Variants in DLGAP2 observed in about 807,000 individuals in gnomAD.
The protein encoded by DLGAP2 is disks large-associated protein 2.
A neutral mutation model predicts 100.3 loss-of-function variants in DLGAP2; 26 were observed. That is an observed-to-expected ratio of 0.26 (90% confidence interval 0.19 to 0.36). The LOEUF (loss-of-function observed/expected upper bound fraction) is 0.36, where lower values mean the gene tolerates loss of function less well. Ranked by LOEUF, DLGAP2 falls within the 10% of genes least tolerant of loss-of-function variation. The pLI is 1.00. For missense variants in DLGAP2, 1,858 were observed against 1,453.2 expected (o/e 1.28, Z -4.53); for synonymous variants, 886 against 630.1 (o/e 1.41, Z -6.08).
At chr8:1,671,005 G>A (rs1311852894) in intron 10 of DLGAP2, among the ~76,000 whole-genome samples, 1 of 152,192 alleles carries the variant, frequency 6.6e-6, no homozygotes, top group Non-Finnish European at 1.5e-5. Flanking sequence ...AGGTGGCCAC[G>A]TCCCTGCCAG....
In DLGAP2 at chr8:1,701,636, G is replaced by C. The variant is rs996145489; in HGVS notation, c.*230G>C. On this transcript the variant is annotated 3_prime_UTR_variant, in exon 15 of 15. Transcript: ENST00000637795. ...TGTTGTTGTTGTTCACGGGTGGCCTGGCTCACACTTGGCTCTGAGGGACAG... is the reference window on the plus strand; with the variant it reads ...TGTTGTTGTTGTTCACGGGTGGCCTCGCTCACACTTGGCTCTGAGGGACAG... The C allele has an allele frequency of 1.7e-6, 1 of 578,672 alleles. No homozygotes were observed. The highest frequency in any genetic ancestry group is 3.0e-6 in the Non-Finnish European group (1 of 333,494). The allele number at this position is 578,672 out of a possible 1,614,324, so 35.8% of individuals were successfully genotyped here. A position where few individuals can be genotyped will look rare whatever the true frequency, so the allele number is the denominator to read the frequency against.
At chr8:1,490,898 T>C (rs932861843) in intron 3 of DLGAP2, among the ~76,000 whole-genome samples, 1 of 150,714 alleles carries the variant, frequency 6.6e-6, no homozygotes, top group African/African-American at 2.4e-5. Flanking sequence ...GGGGGAGGGA[T>C]AGCATTAGGA....
intron 2 of DLGAP2, among the ~76,000 whole-genome samples, chr8:1,096,311 C>T (rs1804364464): frequency 6.6e-6 from 1 of 152,216 alleles, no homozygotes; most frequent in African/African-American, 2.4e-5. Context: ...AACTTGGATG[C>T]AGGAGGTTTG....
At chr8:856,158 A>T (rs1004349424) in intron 1 of DLGAP2, among the ~76,000 whole-genome samples, 2 of 151,430 alleles carry the variant, frequency 1.3e-5, no homozygotes, top group African/African-American at 4.9e-5. Context: ...CCCAAAGAAG[A>T]ATTAGTGGAA....
At chr8:1,173,207 A>T (rs11778391) in intron 2 of DLGAP2, among the ~76,000 whole-genome samples, 4 of 152,096 alleles carry the variant, frequency 2.6e-5, no homozygotes, top group Admixed American at 6.5e-5. Flanking sequence ...TTTTTCGTGA[A>T]CCGCGAATGC....
intron 1 of DLGAP2, among the ~76,000 whole-genome samples, chr8:800,084 G>A (rs1186135636): frequency 1.3e-5 from 2 of 152,014 alleles, no homozygotes; most frequent in Non-Finnish European, 2.9e-5. Context: ...TCTGAAGAAA[G>A]CCATGCCTAC....
chr8:972,774 C>T lies in DLGAP2; in HGVS notation c.73+64808C>T, dbSNP rs548056731. Among the ~76,000 whole-genome samples, 16 of 152,220 alleles carry T rather than the reference C, an allele frequency of 1.1e-4. 1 individual carries two copies. In the South Asian group the frequency reaches 1.5e-3, roughly 14 times the overall value. On this transcript the variant is annotated intron_variant, in intron 2 of 14. Coordinates refer to ENST00000637795, the MANE Select transcript of DLGAP2 (RefSeq NM_001346810.2). Reference sequence around the variant, plus strand: ...AGGCAGAGGACCCTGCGGCCTTCCGCGGTGTTTGTGTCCCTGGGTACTTGA... The same window carrying T: ...AGGCAGAGGACCCTGCGGCCTTCCGTGGTGTTTGTGTCCCTGGGTACTTGA...
chr8:1,344,130 G>A (rs975515779), intron 3 of DLGAP2, among the ~76,000 whole-genome samples: 12 of 121,724 alleles, frequency 9.9e-5, no homozygotes, highest in East Asian at 4.3e-4. Context: ...GCCCTGTCGT[G>A]GGTCCGTGTA....
chr8:1,527,375 G>A (rs983530912), intron 4 of DLGAP2, among the ~76,000 whole-genome samples: 10 of 152,336 alleles, frequency 6.6e-5, no homozygotes, highest in Non-Finnish European at 8.8e-5. Context: ...TCAAGTCACC[G>A]TCACAGGCAA....
At chr8:968,670 C>T (rs1370239047) in intron 2 of DLGAP2, among the ~76,000 whole-genome samples, 2 of 152,110 alleles carry the variant, frequency 1.3e-5, no homozygotes, top group Non-Finnish European at 2.9e-5. Context: ...GTTTTTGTAA[C>T]ATACAGGGAC....
chr8:1,282,106 C>T (rs1181505584), intron 3 of DLGAP2, among the ~76,000 whole-genome samples: 2 of 144,294 alleles, frequency 1.4e-5, no homozygotes, highest in African/African-American at 5.4e-5. Context: ...CTGAACCCAG[C>T]ACTCTGAACC....
chr8:789,460 G>C (rs1821967195), intron 1 of DLGAP2, among the ~76,000 whole-genome samples: 1 of 152,138 alleles, frequency 6.6e-6, no homozygotes, highest in Non-Finnish European at 1.5e-5. Flanking sequence ...CTGTGATCCA[G>C]TTACCCCCCA....
intron 1 of DLGAP2, among the ~76,000 whole-genome samples, chr8:871,076 T>C (rs917898249): frequency 2.6e-5 from 4 of 152,228 alleles, no homozygotes; most frequent in Admixed American, 2.6e-4. Context: ...CAGTGCGCAC[T>C]GTTTGACATC....
intron 2 of DLGAP2, among the ~76,000 whole-genome samples, chr8:1,150,422 C>T (rs111898140): frequency 6.6e-6 from 1 of 152,212 alleles, no homozygotes; most frequent in African/African-American, 2.4e-5. Context: ...TTTTACCCTG[C>T]TGTCCTAGGC....
At chr8:788,223 A>C (rs1403511141) in intron 1 of DLGAP2, among the ~76,000 whole-genome samples, 8 of 152,236 alleles carry the variant, frequency 5.3e-5, no homozygotes, top group Non-Finnish European at 2.9e-5. Flanking sequence ...ATTTTCTCAC[A>C]CAGCGTCCTG....
intron 3 of DLGAP2, among the ~76,000 whole-genome samples, chr8:1,429,567 C>G (rs964260677): frequency 1.3e-5 from 2 of 152,066 alleles, no homozygotes; most frequent in African/African-American, 4.8e-5. Flanking sequence ...GTGAAACATT[C>G]TTACAATAAC....
At chr8:1,009,777 C>G (rs777657782) in intron 2 of DLGAP2, among the ~76,000 whole-genome samples, 1 of 152,240 alleles carries the variant, frequency 6.6e-6, no homozygotes, top group Non-Finnish European at 1.5e-5. Flanking sequence ...AGACCTTGCT[C>G]ACATAATCCT....
At chr8:1,219,946 A>G (rs1446673220) in intron 2 of DLGAP2, among the ~76,000 whole-genome samples, 1 of 151,978 alleles carries the variant, frequency 6.6e-6, no homozygotes. Flanking sequence ...TTTCTGTGGA[A>G]TCAACAGTAA....
chr8:1,211,935 C>T (rs1020029924), intron 2 of DLGAP2, among the ~76,000 whole-genome samples: 4 of 152,156 alleles, frequency 2.6e-5, no homozygotes, highest in African/African-American at 4.8e-5. Context: ...TTTCAGTGCT[C>T]CTCGTGCTCC....
Sources: allele counts gnomAD v4.1 joint callset (sites outside exome capture counted in the v4.1 genomes callset), GRCh38; gene constraint gnomAD v4.1.1; transcripts MANE v1.5; gene names NCBI Gene and HGNC (gene_info 2026-07-23, HGNC 2026-07-21).